ARHGAP42: variants seen among roughly 807,000 people sequenced by gnomAD.
ARHGAP42 encodes the protein Rho GTPase activating protein 42.
Under a neutral mutation model 125.0 loss-of-function variants are expected in ARHGAP42, and 63 were observed. The ratio of observed to expected loss-of-function variants is 0.50; its 90% CI spans 0.41 to 0.62. The LOEUF is 0.62. Among genes scored for constraint, ARHGAP42 ranks in the 20% least tolerant of loss-of-function variants. The probability of loss-of-function intolerance (pLI) is 0.00; values close to 1 mark genes in which losing one functional copy is unlikely to be tolerated. For missense variants in ARHGAP42, 766 were observed against 1,024.2 expected, an observed-to-expected ratio of 0.75 and a Z score of 3.44; for synonymous variants, 339 against 351.0, an observed-to-expected ratio of 0.97 and a Z score of 0.38.
chr11:100,710,541 T>G (rs1401126218), intron 1 of ARHGAP42, among the ~76,000 whole-genome samples: 1 of 127,678 alleles, frequency 7.8e-6, no homozygotes, highest in Non-Finnish European at 1.6e-5. Context: ...GCCAGCAGTT[T>G]TTTTTTTTTT....
At chr11:100,788,411 G>A (rs989087636) in intron 2 of ARHGAP42, among the ~76,000 whole-genome samples, 3 of 152,164 alleles carry the variant, frequency 2.0e-5, no homozygotes, top group African/African-American at 7.2e-5. Context: ...ACAAGGGGCT[G>A]TGAAGTATCA....
At chr11:100,689,610 A>G (rs548514027) in intron 1 of ARHGAP42, among the ~76,000 whole-genome samples, 1 of 152,338 alleles carries the variant, frequency 6.6e-6, no homozygotes. Flanking sequence ...TCTTCCATTC[A>G]TAAGTGAAGA....
intron 3 of ARHGAP42, among the ~76,000 whole-genome samples, chr11:100,807,471 C>T (rs1864025777): frequency 6.6e-6 from 1 of 152,212 alleles, no homozygotes; most frequent in South Asian, 2.1e-4. Flanking sequence ...GCTAGGATTA[C>T]AGGCGTGAGC....
intron 3 of ARHGAP42, among the ~76,000 whole-genome samples, chr11:100,819,263 T>A (rs973984482): frequency 2.6e-5 from 4 of 152,144 alleles, no homozygotes; most frequent in Admixed American, 2.6e-4. Context: ...CAGAAGGCTA[T>A]TGTATTAATG....
At chr11:100,814,892 A>G (rs554927924) in intron 3 of ARHGAP42, among the ~76,000 whole-genome samples, 7 of 152,336 alleles carry the variant, frequency 4.6e-5, no homozygotes, top group Admixed American at 3.9e-4. Flanking sequence ...TAGTATGTAC[A>G]GATATGTAGG....
At chr11:100,746,275 T>G (rs551440246) in intron 1 of ARHGAP42, among the ~76,000 whole-genome samples, 1 of 152,158 alleles carries the variant, frequency 6.6e-6, no homozygotes, top group Non-Finnish European at 1.5e-5. Flanking sequence ...GAGCTTAGTG[T>G]TGGGAAATGG....
chr11:100,728,252 A>T (rs1223026539), intron 1 of ARHGAP42, among the ~76,000 whole-genome samples: 1 of 152,202 alleles, frequency 6.6e-6, no homozygotes, highest in African/African-American at 2.4e-5. Flanking sequence ...TTGGCTATCG[A>T]AAAGGCCACA....
At chr11:100,762,460 G>T (rs144481554) in intron 1 of ARHGAP42, among the ~76,000 whole-genome samples, 1 of 152,296 alleles carries the variant, frequency 6.6e-6, no homozygotes, top group East Asian at 1.9e-4. Context: ...CAAGGAAAGA[G>T]AATTACTTGA....
intron 6 of ARHGAP42, among the ~76,000 whole-genome samples, chr11:100,932,929 G>T (rs571549493): frequency 2.6e-5 from 4 of 152,242 alleles, no homozygotes; most frequent in South Asian, 4.1e-4. Context: ...CATGACAAAT[G>T]TCCTTGATCA....
chr11:100,886,407 T>G (rs1866094509), intron 4 of ARHGAP42, among the ~76,000 whole-genome samples: 1 of 152,232 alleles, frequency 6.6e-6, no homozygotes, highest in African/African-American at 2.4e-5. Flanking sequence ...AGAGTTGGAC[T>G]AAATGACCTC....
intron 22 of ARHGAP42, among the ~76,000 whole-genome samples, chr11:100,986,743 C>T (rs996255047): frequency 6.6e-6 from 1 of 152,052 alleles, no homozygotes; most frequent in Admixed American, 6.6e-5. Flanking sequence ...TAAAGGAGAC[C>T]TGCCTGGTGC....
At chr11:100,808,193 C>A (rs1864044653) in intron 3 of ARHGAP42, among the ~76,000 whole-genome samples, 1 of 152,072 alleles carries the variant, frequency 6.6e-6, no homozygotes, top group Non-Finnish European at 1.5e-5. Context: ...GACAGACCAA[C>A]CAGATATTCA....
At chr11:100,887,579 TCATCTGACCA>T (rs1326234997) in intron 4 of ARHGAP42, among the ~76,000 whole-genome samples, 1 of 152,210 alleles carries the variant, frequency 6.6e-6, no homozygotes, top group Non-Finnish European at 1.5e-5. Flanking sequence ...TTTGAAGCAT[TCATCTGACCA>T]AGATGTGAGC....
intron 3 of ARHGAP42, among the ~76,000 whole-genome samples, chr11:100,819,212 G>C (rs1864348555): frequency 6.6e-6 from 1 of 152,152 alleles, no homozygotes; most frequent in African/African-American, 2.4e-5. Flanking sequence ...TTAGTATTTA[G>C]AACGGCTCAT....
intron 1 of ARHGAP42, among the ~76,000 whole-genome samples, chr11:100,723,908 A>T (rs536629874): frequency 9.2e-5 from 14 of 152,146 alleles, no homozygotes; most frequent in Non-Finnish European, 1.8e-4. Context: ...GATCATCTTT[A>T]TCAAATTGAG....
chr11:100,699,580 T>G (rs1400320115), intron 1 of ARHGAP42, among the ~76,000 whole-genome samples: 7 of 129,442 alleles, frequency 5.4e-5, no homozygotes, highest in Admixed American at 9.4e-5. Context: ...TGGAGGGCAA[T>G]GGCGTGATCT....
At chr11:100,870,206 G>A (rs34834193) in intron 4 of ARHGAP42, among the ~76,000 whole-genome samples, 16,162 of 152,212 alleles carry the variant, frequency 0.11, 888 homozygotes, top group African/African-American at 0.13. Flanking sequence ...TAGTAAATCT[G>A]GAGGAGGGAG....
At chr11:100,928,475 T>C (rs1017388981) in intron 6 of ARHGAP42, among the ~76,000 whole-genome samples, 1 of 151,822 alleles carries the variant, frequency 6.6e-6, no homozygotes, top group Non-Finnish European at 1.5e-5. Context: ...TAGTCTTAGC[T>C]ACTTGGGGGC....
At chr11:100,875,103 C>CTG (rs1179353660) in intron 4 of ARHGAP42, among the ~76,000 whole-genome samples, 32 of 52,884 alleles carry the variant, frequency 6.1e-4, no homozygotes, top group African/African-American at 1.6e-3. Flanking sequence ...CTCTCTCTCT[C>CTG]TCTCTGTGTG....
Sources: allele counts gnomAD v4.1 joint callset (sites outside exome capture counted in the v4.1 genomes callset), GRCh38; gene constraint gnomAD v4.1.1; transcripts MANE v1.5; gene names NCBI Gene and HGNC (gene_info 2026-07-23, HGNC 2026-07-21).